Variants in ZNF532 observed in about 807,000 individuals in gnomAD.
ZNF532 encodes zinc finger protein 532.
In ZNF532, 22 loss-of-function variants were observed where a neutral mutation model predicts 89.3. The observed-to-expected ratio is 0.25, with a 90% CI of 0.18 to 0.35. ZNF532 has a LOEUF of 0.35. Ranked by LOEUF, ZNF532 falls within the 10% of genes least tolerant of loss-of-function variation. The pLI is 1.00. For missense variants in ZNF532, 1,132 were observed against 1,643.4 expected (o/e 0.69, Z 5.38); for synonymous variants, 606 against 649.6 (o/e 0.93, Z 1.02).
rs146502485 is a variant in ZNF532 at position 58,984,406 on chromosome 18, C to T, written c.3846C>T (p.His1282=). The T allele has an allele frequency of 1.1e-3, 1,829 of 1,612,014 alleles. 1 individual carries two copies. Among genetic ancestry groups the T allele is most frequent in the Non-Finnish European group, 1.5e-3 (1,754 of 1,179,834 alleles). The change falls in exon 10 of 10, where the codon CAC becomes CAT. Residue 1282 remains histidine, a synonymous_variant. Transcript: ENST00000591808. ...TFETEAALNT[H]MRTHGMAFIK... ...AAACTGAAGCTGCCTTAAATACTCACATGCGGACACACGGCATGGCCTTCA... is the reference window on the plus strand; with the variant it reads ...AAACTGAAGCTGCCTTAAATACTCATATGCGGACACACGGCATGGCCTTCA...
chr18:58,950,284 G>C (rs1301726200), intron 6 of ZNF532, among the ~76,000 whole-genome samples: 4 of 152,150 alleles, frequency 2.6e-5, no homozygotes, highest in Admixed American at 1.3e-4. Flanking sequence ...AAACTGAAGA[G>C]GGGTGGTAAA....
intron 2 of ZNF532, among the ~76,000 whole-genome samples, chr18:58,911,900 G>A (rs1208935359): frequency 5.3e-5 from 8 of 152,140 alleles, no homozygotes; most frequent in Non-Finnish European, 7.3e-5. Flanking sequence ...GTTGGGGAGT[G>A]AGCTTTCTTA....
intron 2 of ZNF532, among the ~76,000 whole-genome samples, chr18:58,888,759 TTAATATATATAATTTA>T (rs2058554033): frequency 1.1e-3 from 6 of 5,704 alleles, no homozygotes; most frequent in African/African-American, 2.3e-3. Context: ...ATATATAAAA[TTAATATATATAATTTA>T]TATATATATA....
chr18:58,955,570 A>G (rs186632633), intron 7 of ZNF532, among the ~76,000 whole-genome samples: 1 of 152,246 alleles, frequency 6.6e-6, no homozygotes, highest in African/African-American at 2.4e-5. Context: ...AATCTCATTT[A>G]TTTGTACTAT....
intron 3 of ZNF532, among the ~76,000 whole-genome samples, chr18:58,928,633 G>C (rs1272401371): frequency 6.6e-6 from 1 of 152,216 alleles, no homozygotes; most frequent in Admixed American, 6.5e-5. Flanking sequence ...CAGAGGGAGA[G>C]AGCCTAGAGG....
Position 58,979,043 on chromosome 18 carries a change from T to C in ZNF532, c.3151-12T>C, listed in dbSNP as rs567449449. 1.2e-6 allele frequency: 2 copies of C among 1,601,592 alleles called. No individual in the cohort carries two copies. The highest frequency in any genetic ancestry group is 1.1e-5 in the South Asian group (1 of 90,616). On this transcript the variant is annotated splice_polypyrimidine_tract_variant and intron_variant, in intron 7 of 9. Transcript: ENST00000591808. ...TTCATTCCCTTAAGTGAACTTTCTC[T>C]CCTTCCTCCAGCAAATGAAGAAACA...
At chr18:58,868,316 A>C (rs1218067531) in intron 2 of ZNF532, among the ~76,000 whole-genome samples, 1 of 152,264 alleles carries the variant, frequency 6.6e-6, no homozygotes, top group African/African-American at 2.4e-5. Flanking sequence ...TCATGGTTAA[A>C]GAATTAGCTT....
At chr18:58,910,431 A>G (rs1220850579) in intron 2 of ZNF532, among the ~76,000 whole-genome samples, 1 of 151,794 alleles carries the variant, frequency 6.6e-6, no homozygotes, top group Admixed American at 6.6e-5. Flanking sequence ...CCTGGTTTTT[A>G]TTTTTAAATT....
chr18:58,981,711 C>CA, intron 9 of ZNF532, 94 bp downstream of exon 9: 1 of 1,525,550 alleles, frequency 6.6e-7, no homozygotes, highest in South Asian at 1.2e-5. Flanking sequence ...TGCATAGTTA[C>CA]AGTTTTAAAA....
intron 5 of ZNF532, among the ~76,000 whole-genome samples, chr18:58,941,860 C>CT (rs1278052748): frequency 2.0e-5 from 3 of 146,404 alleles, no homozygotes; most frequent in African/African-American, 7.7e-5. Context: ...CTTCCTCTTT[C>CT]TTTCTTTTCT....
At chr18:58,982,985 A>G (rs1463608901) in intron 9 of ZNF532, among the ~76,000 whole-genome samples, 1 of 152,110 alleles carries the variant, frequency 6.6e-6, no homozygotes, top group Non-Finnish European at 1.5e-5. Flanking sequence ...CGTGGTGCAC[A>G]CGTATAGTCC....
intron 2 of ZNF532, among the ~76,000 whole-genome samples, chr18:58,887,803 G>C (rs374237000): frequency 6.6e-6 from 1 of 152,322 alleles, no homozygotes; most frequent in Admixed American, 6.5e-5. Flanking sequence ...CACCGAGTCG[G>C]GGCGAGCTGC....
At chr18:58,983,839 G>A in intron 9 of ZNF532, 133 bp from the exon 10 acceptor site, 1 of 1,149,054 alleles carries the variant, frequency 8.7e-7, no homozygotes, top group Non-Finnish European at 1.2e-6. Flanking sequence ...GGCAGACACA[G>A]CTTTAAAGCC....
intron 6 of ZNF532, among the ~76,000 whole-genome samples, chr18:58,951,412 T>G (rs1448918185): frequency 7.9e-5 from 12 of 152,180 alleles, no homozygotes; most frequent in Non-Finnish European, 1.8e-4. Context: ...CCTAGAAACT[T>G]ATGAAAAGTT....
chr18:58,892,596 TA>T (rs1602722134), intron 2 of ZNF532, among the ~76,000 whole-genome samples: 1 of 152,258 alleles, frequency 6.6e-6, no homozygotes, highest in Non-Finnish European at 1.5e-5. Context: ...ATACCCATAA[TA>T]AATTCCAGGA....
chr18:58,958,554 TG>T (rs1403704062), intron 7 of ZNF532, among the ~76,000 whole-genome samples: 1 of 152,268 alleles, frequency 6.6e-6, no homozygotes, highest in Non-Finnish European at 1.5e-5. Context: ...GCAAGTTGTA[TG>T]TCCATTTTAT....
At chr18:58,957,616 C>G (rs2064926546) in intron 7 of ZNF532, among the ~76,000 whole-genome samples, 1 of 152,092 alleles carries the variant, frequency 6.6e-6, no homozygotes, top group Middle Eastern at 3.4e-3. Flanking sequence ...TTAGAATTCA[C>G]TGCTACTCAT....
intron 2 of ZNF532, among the ~76,000 whole-genome samples, chr18:58,885,999 C>G (rs963003051): frequency 6.6e-6 from 1 of 151,886 alleles, no homozygotes; most frequent in Non-Finnish European, 1.5e-5. Flanking sequence ...TTTTTTGAGA[C>G]GGAGTCTCGT....
intron 5 of ZNF532, among the ~76,000 whole-genome samples, chr18:58,941,790 TTTTCTTTTCTCTTTTCTTTG>T (rs1162615874): frequency 6.6e-6 from 1 of 151,884 alleles, no homozygotes; most frequent in Non-Finnish European, 1.5e-5. Flanking sequence ...TTTCTTCTTT[TTTTCTTTTCTCTTTTCTTTG>T]TTTCTTTTCT....
Sources: allele counts gnomAD v4.1 joint callset (sites outside exome capture counted in the v4.1 genomes callset), GRCh38; gene constraint gnomAD v4.1.1; transcripts MANE v1.5; gene names NCBI Gene and HGNC (gene_info 2026-07-23, HGNC 2026-07-21).